Variants in ATP9B observed in about 807,000 individuals in gnomAD.
ATP9B encodes probable phospholipid-transporting ATPase IIB.
A neutral mutation model predicts 146.1 loss-of-function variants in ATP9B; 110 were observed. The ratio of observed to expected loss-of-function variants is 0.75; its 90% CI spans 0.65 to 0.88. ATP9B has a LOEUF of 0.88. Ranked by LOEUF, ATP9B falls within the 40% of genes least tolerant of loss-of-function variation. The pLI is 0.00. For synonymous variants in ATP9B, 604 were observed against 569.7 expected (o/e 1.06, Z -0.86); for missense variants, 1,499 against 1,496.4 (o/e 1.00, Z -0.03).
intron 5 of ATP9B, among the ~76,000 whole-genome samples, chr18:79,136,224 G>T (rs1428668511): frequency 6.6e-6 from 1 of 152,150 alleles, no homozygotes; most frequent in Non-Finnish European, 1.5e-5. Context: ...TTTTGAATGG[G>T]ATTTCATTGA....
chr18:79,322,486 C>T (rs1240340440), intron 15 of ATP9B, among the ~76,000 whole-genome samples: 2 of 152,184 alleles, frequency 1.3e-5, no homozygotes, highest in Non-Finnish European at 2.9e-5. Flanking sequence ...GGGTTCTGAC[C>T]CGGATTCCAC....
At chr18:79,231,206 G>A (rs2095788327) in intron 11 of ATP9B, among the ~76,000 whole-genome samples, 1 of 151,996 alleles carries the variant, frequency 6.6e-6, no homozygotes. Flanking sequence ...AGAGTAAATA[G>A]ACAACCCACA....
chr18:79,073,498 C>T (rs536453551), intron 1 of ATP9B, among the ~76,000 whole-genome samples: 15 of 151,640 alleles, frequency 9.9e-5, no homozygotes, highest in Non-Finnish European at 1.8e-4. Flanking sequence ...CGTGGCGGCG[C>T]GCGCCTGCAA....
chr18:79,188,109 G>GT (rs1234292890), intron 8 of ATP9B, among the ~76,000 whole-genome samples: 1 of 152,046 alleles, frequency 6.6e-6, no homozygotes, highest in Non-Finnish European at 1.5e-5. Flanking sequence ...AGAAAGCCCG[G>GT]TGCAAATGTA....
intron 11 of ATP9B, among the ~76,000 whole-genome samples, chr18:79,220,340 C>T (rs971711552): frequency 5.9e-5 from 9 of 152,166 alleles, no homozygotes; most frequent in Admixed American, 4.6e-4. Context: ...GTGGCTCACT[C>T]CTGTAATCCT....
At position 79,374,006 on chromosome 18, in the gene ATP9B, T is replaced by A. The variant is rs1343367424; in HGVS notation, c.3179T>A (p.Leu1060Gln). ...CTGACCGAGCTGCTGATGGTGGCGCTGACCGTCCGCACGTGGCACTGGCTG... is the reference window on the plus strand; with the variant it reads ...CTGACCGAGCTGCTGATGGTGGCGCAGACCGTCCGCACGTGGCACTGGCTG... ...LILTELLMVA[L>Q]TVRTWHWLMV... The change falls in exon 28 of 30, where the codon CTG (leucine) becomes CAG (glutamine). Residue 1060 changes from leucine to glutamine, a missense_variant. Coordinates refer to ENST00000426216, the MANE Select transcript of ATP9B (RefSeq NM_198531.5). The A allele has an allele frequency of 1.2e-6, 2 of 1,614,112 alleles. No individual in the cohort carries two copies. Among genetic ancestry groups the A allele is most frequent in the East Asian group, 4.5e-5 (2 of 44,900 alleles).
intron 7 of ATP9B, among the ~76,000 whole-genome samples, chr18:79,175,874 C>CCA (rs1490420382): frequency 6.6e-6 from 1 of 152,116 alleles, no homozygotes; most frequent in African/African-American, 2.4e-5. Flanking sequence ...AGATACATAT[C>CCA]CACACACAGA....
chr18:79,224,569 C>T (rs3934942), intron 11 of ATP9B, among the ~76,000 whole-genome samples: 9,650 of 152,200 alleles, frequency 0.063, 414 homozygotes, highest in African/African-American at 0.12. Context: ...TTGTGGCTAC[C>T]ATACATCAAA....
chr18:79,187,956 G>A (rs926469797), intron 8 of ATP9B, among the ~76,000 whole-genome samples: 4 of 152,086 alleles, frequency 2.6e-5, no homozygotes, highest in African/African-American at 7.2e-5. Context: ...AAGTGATTGA[G>A]CATGACTTAC....
intron 4 of ATP9B, among the ~76,000 whole-genome samples, chr18:79,118,383 C>T (rs7506845): frequency 0.15 from 15,082 of 102,526 alleles, 1,317 homozygotes; most frequent in African/African-American, 0.28. Context: ...TCATATTGAA[C>T]GTTTTTGTTT....
At position 79,330,123 on chromosome 18, in the gene ATP9B, C is replaced by A; in HGVS notation, c.2028+19C>A. 2 of 1,606,100 alleles carry A rather than the reference C, an allele frequency of 1.2e-6. No homozygotes were observed. ...AGAGGAGGTATGTGAGTGACTCTAG[C>A]GTGGTTCACAGTGTTTCTATGGAAG... On this transcript the variant is annotated intron_variant, in intron 17 of 29. Transcript: ENST00000426216.
chr18:79,174,189 T>G lies in ATP9B; in HGVS notation c.779-2624T>G, dbSNP rs1210472884. 1.2e-5 allele frequency: 5 copies of G among 434,618 alleles called. No homozygotes were observed. In the Admixed American group the frequency reaches 1.3e-4, roughly 11 times the overall value. 26.9% of individuals were successfully genotyped at this position (434,618 alleles called of 1,614,324 possible). A position where few individuals can be genotyped will look rare whatever the true frequency, so the allele number is the denominator to read the frequency against. On this transcript the variant is annotated intron_variant, in intron 7 of 29. Transcript: ENST00000426216. ...CTTAAAGGTTTTATTCATTTTCTGTTTTTTAAATTGGATCTTAAACTTTAT... is the reference window on the plus strand; with the variant it reads ...CTTAAAGGTTTTATTCATTTTCTGTGTTTTAAATTGGATCTTAAACTTTAT...
At chr18:79,223,663 G>A (rs999347367) in intron 11 of ATP9B, among the ~76,000 whole-genome samples, 14 of 152,274 alleles carry the variant, frequency 9.2e-5, no homozygotes, top group Non-Finnish European at 1.3e-4. Flanking sequence ...GACCCAGGGT[G>A]GCTCTTTGGG....
chr18:79,336,534 G>A, intron 17 of ATP9B, 94 bp from the exon 18 acceptor site: 1 of 1,142,280 alleles, frequency 8.8e-7, no homozygotes, highest in Non-Finnish European at 1.3e-6. Flanking sequence ...TGAGGGCAGG[G>A]CACCAGCAAT....
At chr18:79,170,969 G>T (rs2095061487) in intron 7 of ATP9B, among the ~76,000 whole-genome samples, 1 of 152,182 alleles carries the variant, frequency 6.6e-6, no homozygotes, top group South Asian at 2.1e-4. Flanking sequence ...TGGCTGTGCT[G>T]TGCAGCTTTA....
intron 15 of ATP9B, among the ~76,000 whole-genome samples, chr18:79,327,505 T>TCTCCGTGGTTAGCGTG (rs1568696469): frequency 1.7e-5 from 2 of 120,356 alleles, no homozygotes; most frequent in African/African-American, 7.5e-5. Context: ...GTTAGTGTGC[T>TCTCCGTGGTTAGCGTG]CTCTCCATGG....
chr18:79,276,255 G>A (rs117141457), intron 12 of ATP9B, among the ~76,000 whole-genome samples: 1 of 152,324 alleles, frequency 6.6e-6, no homozygotes, highest in Non-Finnish European at 1.5e-5. Context: ...AGGCCTACAG[G>A]GTTCCAGCCT....
At chr18:79,130,745 T>A (rs1197929340) in intron 5 of ATP9B, among the ~76,000 whole-genome samples, 1 of 151,962 alleles carries the variant, frequency 6.6e-6, no homozygotes, top group Non-Finnish European at 1.5e-5. Context: ...GAACCCTCCG[T>A]AGGATTTATC....
At chr18:79,202,914 T>C (rs77918142) in intron 9 of ATP9B, among the ~76,000 whole-genome samples, 1,879 of 152,366 alleles carry the variant, frequency 0.012, 22 homozygotes, top group Non-Finnish European at 0.019. Context: ...TGAGAAACCC[T>C]TCTAAAATTT....
Sources: gnomAD v4.1 joint callset for allele counts (sites outside exome capture counted in the v4.1 genomes callset) on GRCh38, gnomAD v4.1.1 for gene constraint, MANE v1.5 for transcripts, NCBI Gene and HGNC (gene_info 2026-07-23, HGNC 2026-07-21) for gene names.